The following RBFOX3 variants were observed in gnomAD, a reference collection of about 807,000 sequenced individuals.
RBFOX3 encodes RNA binding protein fox-1 homolog 3.
In RBFOX3, 17 loss-of-function variants were observed where a neutral mutation model predicts 48.7. The observed-to-expected ratio is 0.35, with a 90% CI of 0.24 to 0.52. The LOEUF (loss-of-function observed/expected upper bound fraction) is 0.52, where lower values mean the gene tolerates loss of function less well. Ranked by LOEUF, RBFOX3 falls within the 20% of genes least tolerant of loss-of-function variation. The probability of loss-of-function intolerance (pLI) is 0.94; values close to 1 mark genes in which losing one functional copy is unlikely to be tolerated. For missense variants in RBFOX3, 382 were observed against 497.5 expected (o/e 0.77, Z 2.21); for synonymous variants, 212 against 209.5 (o/e 1.01, Z -0.10).
At chr17:79,118,071 C>T (rs1568163852) in intron 4 of RBFOX3, among the ~76,000 whole-genome samples, 2 of 152,078 alleles carry the variant, frequency 1.3e-5, no homozygotes, top group Non-Finnish European at 2.9e-5. Flanking sequence ...GCCTGGGCAA[C>T]CCAGCCGTGC....
At chr17:79,656,765 G>T in the RBFOX3 span, among the ~76,000 whole-genome samples, 1 of 63,078 alleles carries the variant, frequency 1.6e-5, no homozygotes, top group Admixed American at 1.8e-4. Context: ...AAGGAAGGAA[G>T]GAAGGAAGGA....
At chr17:79,272,228 T>C (rs1360396108) in intron 3 of RBFOX3, among the ~76,000 whole-genome samples, 2 of 152,056 alleles carry the variant, frequency 1.3e-5, no homozygotes, top group East Asian at 1.9e-4. Context: ...ACTGGTTACA[T>C]GGCCTTTGTG....
intron 2 of RBFOX3, among the ~76,000 whole-genome samples, chr17:79,403,053 C>T (rs1040894990): frequency 1.3e-5 from 2 of 152,248 alleles, no homozygotes; most frequent in Non-Finnish European, 2.9e-5. Flanking sequence ...AACCCCTGGA[C>T]CTTTTCTCAT....
At chr17:79,452,028 T>C (rs2073616761) in intron 2 of RBFOX3, among the ~76,000 whole-genome samples, 1 of 152,174 alleles carries the variant, frequency 6.6e-6, no homozygotes, top group Admixed American at 6.5e-5. Flanking sequence ...TTACGCTATG[T>C]TCCCTGTGGC....
chr17:79,313,457 C>T (rs2077121091), intron 2 of RBFOX3, among the ~76,000 whole-genome samples: 1 of 152,194 alleles, frequency 6.6e-6, no homozygotes, highest in Non-Finnish European at 1.5e-5. Flanking sequence ...TACCTGTTTC[C>T]ACCCTGAGGT....
the RBFOX3 span, among the ~76,000 whole-genome samples, chr17:79,635,293 T>C: frequency 1.6e-4 from 24 of 152,100 alleles, no homozygotes; most frequent in African/African-American, 5.8e-4. Flanking sequence ...TCATGGGCCC[T>C]GGCACCTGGA....
chr17:79,210,000 A>AAC (rs1368759670), intron 4 of RBFOX3, among the ~76,000 whole-genome samples: 1 of 151,244 alleles, frequency 6.6e-6, no homozygotes, highest in Non-Finnish European at 1.5e-5. Flanking sequence ...CCATCTCAAA[A>AAC]AAAAAAAAAA....
chr17:79,094,598 G>GC (rs906122418), intron 13 of RBFOX3, 69 bp from the exon 14 acceptor site: 1 of 915,292 alleles, frequency 1.1e-6, no homozygotes, highest in African/African-American at 1.8e-5. Context: ...GGCAGCAACG[G>GC]CCTCCCACCT....
chr17:79,623,777 GCAC>G, the RBFOX3 span, among the ~76,000 whole-genome samples: 2 of 149,470 alleles, frequency 1.3e-5, no homozygotes, highest in African/African-American at 2.5e-5. Flanking sequence ...AGCCAAGACT[GCAC>G]CACTGCACTC....
chr17:79,137,168 ACT>A (rs2040407848), intron 4 of RBFOX3, among the ~76,000 whole-genome samples: 1 of 152,002 alleles, frequency 6.6e-6, no homozygotes, highest in Non-Finnish European at 1.5e-5. Context: ...ACATGCATGG[ACT>A]CACACACGCA....
chr17:79,428,258 C>T (rs868970285), intron 2 of RBFOX3, among the ~76,000 whole-genome samples: 6 of 152,330 alleles, frequency 3.9e-5, no homozygotes, highest in Admixed American at 1.3e-4. Context: ...ACAGTTTCCC[C>T]GGAGCCCCTG....
chr17:79,511,531 G>A (rs2084199217), intron 1 of RBFOX3, among the ~76,000 whole-genome samples: 1 of 152,162 alleles, frequency 6.6e-6, no homozygotes, highest in Non-Finnish European at 1.5e-5. Flanking sequence ...CGTGTGGGGT[G>A]AGGGCAGCAG....
intron 1 of RBFOX3, among the ~76,000 whole-genome samples, chr17:79,498,714 C>A (rs1393819716): frequency 2.0e-5 from 3 of 151,320 alleles, no homozygotes; most frequent in Non-Finnish European, 4.4e-5. Context: ...ATGCAGCCAT[C>A]CTTCCACCCA....
chr17:79,114,127 G>A (rs1313911013), intron 5 of RBFOX3, among the ~76,000 whole-genome samples: 2 of 152,178 alleles, frequency 1.3e-5, no homozygotes, highest in Non-Finnish European at 2.9e-5. Flanking sequence ...GAGTCAGTCA[G>A]AAGGAGACCC....
rs533894280 is a variant in RBFOX3 at position 79,149,139 on chromosome 17, G to A, written c.-33-33391C>T. ...GGAGGCTCCCGCAGCACCCAGGCTG[G>A]GACCCCCGCTGCCTGCCAGGAAAAT... On this transcript the variant is annotated intron_variant, in intron 4 of 14. Transcript: ENST00000693108. Among the ~76,000 whole-genome samples, 13 of 152,298 alleles carry A rather than the reference G, an allele frequency of 8.5e-5. 1 individual carries two copies. Among genetic ancestry groups the A allele is most frequent in the African/African-American group, 2.6e-4 (11 of 41,562 alleles).
At chr17:79,360,033 T>C (rs561148878) in intron 2 of RBFOX3, among the ~76,000 whole-genome samples, 66 of 142,016 alleles carry the variant, frequency 4.6e-4, no homozygotes, top group African/African-American at 1.6e-3. Context: ...GCCTAGGTCA[T>C]TGATGTTTCT....
rs143497342 is a variant in RBFOX3 at position 79,197,841 on chromosome 17, A to AACCTCCC, written c.-34+37918_-34+37924dup. On this transcript the variant is annotated intron_variant, in intron 4 of 14. Coordinates refer to ENST00000693108, the MANE Select transcript of RBFOX3 (RefSeq NM_001350451.2). ...AGAGGGACGGAGAAAACACCAATCT[A>AACCTCCC]ACCTCCCAAACCACGGGCAAGCAGG... 1.2e-3 allele frequency among the ~76,000 whole-genome samples: 176 copies of AACCTCCC among 152,116 alleles called. 2 individuals carry two copies. The East Asian group carries it at 0.03, about 26-fold the overall frequency.
At position 79,144,272 on chromosome 17, in the gene RBFOX3, T is replaced by C. The variant is rs564451064; in HGVS notation, c.-33-28524A>G. On this transcript the variant is annotated intron_variant, in intron 4 of 14. Transcript: ENST00000693108. ...GGCAGGATCCGTGAGGCCTGAAGAA[T>C]TGTCCCGCTCTACCCCCGCCCCATG... Among the ~76,000 whole-genome samples, 163 of 152,308 alleles carry C rather than the reference T, an allele frequency of 1.1e-3. 1 individual carries two copies. The highest frequency in any genetic ancestry group is 3.6e-3 in the African/African-American group (151 of 41,582).
At chr17:79,610,758 T>A (rs2093953416) in intron 1 of RBFOX3, among the ~76,000 whole-genome samples, 68 bp downstream of exon 1, 1 of 151,366 alleles carries the variant, frequency 6.6e-6, no homozygotes, top group Non-Finnish European at 1.5e-5. Context: ...CATGTCCCCC[T>A]CCCCCAGCTC....
Sources: gnomAD v4.1 joint callset for allele counts (sites outside exome capture counted in the v4.1 genomes callset) on GRCh38, gnomAD v4.1.1 for gene constraint, MANE v1.5 for transcripts, NCBI Gene and HGNC (gene_info 2026-07-23, HGNC 2026-07-21) for gene names.